Variants in FBXO31 observed in about 807,000 individuals in gnomAD.
FBXO31 encodes the protein F-box only protein 31.
FBXO31 carries 24 observed loss-of-function variants against 54.4 expected under a neutral mutation model. The ratio of observed to expected loss-of-function variants is 0.44; its 90% CI spans 0.32 to 0.62. The LOEUF (loss-of-function observed/expected upper bound fraction) is 0.62. Ranked by LOEUF, FBXO31 falls within the 20% of genes least tolerant of loss-of-function variation. The pLI, the probability that FBXO31 is intolerant of heterozygous loss-of-function variation, is 0.05. For missense variants in FBXO31, 665 were observed against 787.1 expected, an observed-to-expected ratio of 0.84 and a Z score of 1.86; for synonymous variants, 388 against 335.6, an observed-to-expected ratio of 1.16 and a Z score of -1.71.
At chr16:87,381,998 C>A (rs1455740144) in intron 1 of FBXO31, among the ~76,000 whole-genome samples, 1 of 151,500 alleles carries the variant, frequency 6.6e-6, no homozygotes, top group African/African-American at 2.4e-5. Context: ...ACTCCACAGC[C>A]TGGGTGACAG....
At chr16:87,334,712 T>C (rs1904988121) in intron 7 of FBXO31, among the ~76,000 whole-genome samples, 1 of 152,238 alleles carries the variant, frequency 6.6e-6, no homozygotes, top group Non-Finnish European at 1.5e-5. Context: ...CCCTGATCCC[T>C]GGAGGCTCGG....
rs776022856 is a variant in FBXO31, at chr16:87,376,207, C to G, written c.340+7198G>C. 1.5e-4 allele frequency among the ~76,000 whole-genome samples: 23 copies of G among 152,216 alleles called. 1 individual carries two copies. The highest frequency in any genetic ancestry group is 1.5e-3 in the South Asian group (7 of 4,820). ...AAGCATTAAAAGACAGGCAGAGGTT[C>G]CCTTTTTCCCACTCCCATTTTTGTT... On this transcript the variant is annotated intron_variant, in intron 1 of 8. Coordinates refer to ENST00000311635, the MANE Select transcript of FBXO31 (RefSeq NM_024735.5).
intron 1 of FBXO31, among the ~76,000 whole-genome samples, chr16:87,380,685 C>G (rs571643179): frequency 3.3e-5 from 5 of 152,336 alleles, no homozygotes; most frequent in Admixed American, 6.5e-5. Flanking sequence ...AGAATTCTCA[C>G]GTTAGCAGGT....
chr16:87,374,221 AAC>A (rs1422527700), intron 1 of FBXO31, among the ~76,000 whole-genome samples: 1 of 151,900 alleles, frequency 6.6e-6, no homozygotes, highest in Non-Finnish European at 1.5e-5. Flanking sequence ...CAACCTGAGC[AAC>A]AGAGGCCCTG....
intron 1 of FBXO31, among the ~76,000 whole-genome samples, chr16:87,368,250 G>C (rs1310030237): frequency 6.6e-6 from 1 of 152,212 alleles, no homozygotes; most frequent in African/African-American, 2.4e-5. Context: ...AACCAGAGGA[G>C]AATAAATGTC....
At position 87,332,085 on chromosome 16, in the gene FBXO31, T is replaced by C. The variant is rs16942888; in HGVS notation, c.1398-575A>G. On this transcript the variant is annotated intron_variant, in intron 8 of 8. Coordinates refer to ENST00000311635, the MANE Select transcript of FBXO31 (RefSeq NM_024735.5). The stretch of plus-strand genomic sequence containing the variant: ...CAAGCAGCTAAATTCTTCCAACAGA[T>C]GACGAGAAGTAAGGGGCTGGCCTGG... Among the ~76,000 whole-genome samples the C allele has an allele frequency of 5.0e-3, 766 of 152,284 alleles. 9 individuals carry two copies. The highest frequency in any genetic ancestry group is 0.017 in the African/African-American group (693 of 41,546).
In FBXO31 at chr16:87,365,038, T is replaced by TATATATATA. The variant is rs1031091236; in HGVS notation, c.341-4673_341-4672insTATATATAT. On this transcript the variant is annotated intron_variant, in intron 1 of 8. Coordinates refer to ENST00000311635, the MANE Select transcript of FBXO31 (RefSeq NM_024735.5). The stretch of plus-strand genomic sequence containing the variant: ...ATATATATATATATATATATATATA[T>TATATATATA]ATCAGGCAGGCCACCCAATAATTAC... 1.1e-3 allele frequency among the ~76,000 whole-genome samples: 118 copies of TATATATATA among 110,798 alleles called. 9 individuals carry two copies. The highest frequency in any genetic ancestry group is 4.2e-3 in the Middle Eastern group (1 of 240). 72.7% of individuals were successfully genotyped at this position (110,798 alleles called of 152,430 possible).
In FBXO31 at chr16:87,383,776, T is replaced by C. The variant is rs1004567149; in HGVS notation, c.-32A>G. Reference sequence around the variant, plus strand: ...CAGTGACGGCCACTGCTGCCGCCTGTGCGCACGCTCCAGCGCGGCCCCGCC... The same window carrying C: ...CAGTGACGGCCACTGCTGCCGCCTGCGCGCACGCTCCAGCGCGGCCCCGCC... On this transcript the variant is annotated 5_prime_UTR_variant, in exon 1 of 9. Coordinates refer to ENST00000311635, the MANE Select transcript of FBXO31 (RefSeq NM_024735.5). The surrounding 1 kb of genome is among the most constrained non-coding windows in gnomAD (Gnocchi z 4.9). 3.4e-6 allele frequency: 4 copies of C among 1,178,676 alleles called. No homozygotes were observed. The highest frequency in any genetic ancestry group is 3.8e-5 in the East Asian group (1 of 26,024). The allele number at this position is 1,178,676 out of a possible 1,614,324, so 73.0% of individuals were successfully genotyped here.
At chr16:87,339,820 G>C (rs1004170402) in intron 5 of FBXO31, among the ~76,000 whole-genome samples, 4 of 152,244 alleles carry the variant, frequency 2.6e-5, no homozygotes, top group South Asian at 4.1e-4. Flanking sequence ...TTCCAAAATA[G>C]AAGAGGAATA....
chr16:87,331,424 CG>C lies in FBXO31; in HGVS notation c.1483del (p.Arg495AlafsTer9). 1 of 1,613,764 alleles carries C rather than the reference CG, an allele frequency of 6.2e-7. No homozygotes were observed. The highest frequency in any genetic ancestry group is 8.5e-7 in the Non-Finnish European group (1 of 1,179,982). On this transcript the variant is annotated frameshift_variant, in exon 9 of 9. Coordinates refer to ENST00000311635, the MANE Select transcript of FBXO31 (RefSeq NM_024735.5). LOFTEE classifies it high-confidence loss of function. ...CAGCTCCAGCCAGACGAACCCGAAG[CG>C]GTCCTCATCGAAGAGGATGAAGACC... Reference protein sequence around the residue: ...PGVFILFDEDRFGFVWLELKS... With the variant: ...PGVFILFDEDXFGFVWLELKS...
chr16:87,380,296 C>CAAAAA (rs71156230), intron 1 of FBXO31, among the ~76,000 whole-genome samples: 2 of 97,790 alleles, frequency 2.0e-5, no homozygotes, highest in Non-Finnish European at 4.2e-5. Context: ...GACTCCGTCT[C>CAAAAA]AAAAAAAAAA....
intron 2 of FBXO31, among the ~76,000 whole-genome samples, chr16:87,359,661 T>A (rs1055202259): frequency 6.6e-6 from 1 of 152,124 alleles, no homozygotes; most frequent in African/African-American, 2.4e-5. Context: ...ACAGAAACCC[T>A]CTGACCATCC....
chr16:87,341,105 G>T (rs1439474039), intron 5 of FBXO31, among the ~76,000 whole-genome samples: 1 of 152,054 alleles, frequency 6.6e-6, no homozygotes, highest in Non-Finnish European at 1.5e-5. Flanking sequence ...CAAGATTCCA[G>T]CAATACCTTC....
At chr16:87,355,806 G>A (rs1905866526) in intron 2 of FBXO31, among the ~76,000 whole-genome samples, 1 of 152,184 alleles carries the variant, frequency 6.6e-6, no homozygotes, top group Admixed American at 6.5e-5. Flanking sequence ...CCCTCCACCT[G>A]CCTCGGGGAC....
intron 3 of FBXO31, among the ~76,000 whole-genome samples, chr16:87,344,170 G>A (rs1429590682): frequency 6.6e-6 from 1 of 152,266 alleles, no homozygotes; most frequent in Non-Finnish European, 1.5e-5. Flanking sequence ...AGGACCGTGT[G>A]CCACTTTTGT....
chr16:87,346,178 C>T lies in FBXO31; in HGVS notation c.489+996G>A, dbSNP rs929132872. Among the ~76,000 whole-genome samples, 3 of 152,262 alleles carry T rather than the reference C, an allele frequency of 2.0e-5. No individual in the cohort carries two copies. The highest frequency in any genetic ancestry group is 2.1e-4 in the South Asian group (1 of 4,826). On this transcript the variant is annotated intron_variant, in intron 3 of 8. Coordinates refer to ENST00000311635, the MANE Select transcript of FBXO31 (RefSeq NM_024735.5). This position sits in a 1 kb window ranked among gnomAD's most constrained non-coding sequence, Gnocchi z 4.2. ...AGAGAGACCCGGAATGAGAACGGGA[C>T]GCTTCCCCAAGCCTGAGACGCGCGC...
chr16:87,336,169 G>A lies in FBXO31; in HGVS notation c.828C>T (p.Tyr276=), dbSNP rs552580278. The change falls in exon 6 of 9, where the codon TAC becomes TAT. Residue 276 remains tyrosine (Y), a synonymous_variant. Transcript: ENST00000311635. The surrounding 1 kb of genome is among the most constrained non-coding windows in gnomAD (Gnocchi z 6.5). Reference sequence around the variant, plus strand: ...GCCGCACTCACTCGTACTGACTGGTGTAGATGAACTTCATCAGGATGAGCT... The same window carrying A: ...GCCGCACTCACTCGTACTGACTGGTATAGATGAACTTCATCAGGATGAGCT... The part of the protein sequence containing the change: ...MQELILMKFI[Y]TSQYDNCLTY... 69 of 1,614,004 alleles carry A rather than the reference G, an allele frequency of 4.3e-5. 1 individual carries two copies. The South Asian group carries it at 6.5e-4, about 15-fold the overall frequency.
At chr16:87,356,665 G>C in intron 2 of FBXO31, among the ~76,000 whole-genome samples, 1 of 152,226 alleles carries the variant, frequency 6.6e-6, no homozygotes. Flanking sequence ...CAGTTCCCCA[G>C]CTGCAGTGAT....
chr16:87,380,115 C>G (rs1014012192), intron 1 of FBXO31, among the ~76,000 whole-genome samples: 3 of 150,840 alleles, frequency 2.0e-5, no homozygotes, highest in Non-Finnish European at 3.0e-5. Flanking sequence ...CTGGCCAACA[C>G]GGTGAAACCC....
Sources: allele counts gnomAD v4.1 joint callset (sites outside exome capture counted in the v4.1 genomes callset), GRCh38; gene constraint gnomAD v4.1.1; non-coding constraint Gnocchi (gnomAD v3.1); transcripts MANE v1.5; gene names NCBI Gene and HGNC (gene_info 2026-07-23, HGNC 2026-07-21).